NGEF: variants seen among roughly 807,000 people sequenced by gnomAD.
NGEF encodes ephexin-1.
NGEF carries 31 observed loss-of-function variants against 80.9 expected under a neutral mutation model. The ratio of observed to expected loss-of-function variants is 0.38; its 90% CI spans 0.29 to 0.52. The LOEUF is 0.52. Ranked by LOEUF, NGEF falls within the 20% of genes least tolerant of loss-of-function variation. The pLI, the probability that NGEF is intolerant of heterozygous loss-of-function variation, is 0.84. For missense variants in NGEF, 709 were observed against 926.2 expected (o/e 0.77, Z 3.04); for synonymous variants, 371 against 370.2 (o/e 1.00, Z -0.03).
chr2:232,893,734 C>T (rs1691964542), intron 6 of NGEF, among the ~76,000 whole-genome samples: 1 of 152,134 alleles, frequency 6.6e-6, no homozygotes, highest in African/African-American at 2.4e-5. Flanking sequence ...GAGATCGCAC[C>T]ATTGCACTAC....
chr2:232,928,186 G>T (rs1203411048), intron 3 of NGEF: 1 of 978,638 alleles, frequency 1.0e-6, no homozygotes, highest in Non-Finnish European at 1.2e-6. Flanking sequence ...AGGCTCCCGG[G>T]GTTGCCACGG....
intron 3 of NGEF, among the ~76,000 whole-genome samples, chr2:232,944,391 G>A (rs1693506585): frequency 6.6e-6 from 1 of 152,120 alleles, no homozygotes; most frequent in African/African-American, 2.4e-5. Context: ...ATTTTTGAAA[G>A]TAACATATTG....
chr2:232,884,259 G>C lies in NGEF; in HGVS notation c.1438-115C>G. The C allele has an allele frequency of 4.9e-6, 6 of 1,230,748 alleles. No individual in the cohort carries two copies. The South Asian group carries it at 6.5e-5, about 13-fold the overall frequency. The allele number at this position is 1,230,748 out of a possible 1,614,324, so 76.2% of individuals were successfully genotyped here. ...ACACCTGCCCAGGGCCCCGACACAT[G>C]AGGCACAAGTTGGGGGGAAAGGCCG... On this transcript the variant is annotated intron_variant, in intron 10 of 14. Coordinates refer to ENST00000264051, the MANE Select transcript of NGEF (RefSeq NM_019850.3).
chr2:232,965,102 CA>C (rs1309846053), intron 3 of NGEF, among the ~76,000 whole-genome samples: 1 of 152,200 alleles, frequency 6.6e-6, no homozygotes, highest in Non-Finnish European at 1.5e-5. Flanking sequence ...ATTCCAAAAA[CA>C]AACCAGGGAG....
chr2:232,883,826 G>C (rs1267870309), intron 11 of NGEF, among the ~76,000 whole-genome samples, 155 bp downstream of exon 11: 1 of 152,168 alleles, frequency 6.6e-6, no homozygotes, highest in Non-Finnish European at 1.5e-5. Context: ...TTGGCTAAAG[G>C]CCCAAAGCTG....
chr2:232,879,447 G>C lies in NGEF; in HGVS notation c.*42C>G, dbSNP rs774989406. 31 of 1,545,928 alleles carry C rather than the reference G, an allele frequency of 2.0e-5. No individual in the cohort carries two copies. The highest frequency in any genetic ancestry group is 2.6e-5 in the Non-Finnish European group (30 of 1,137,730). ...CCCCCCCCCCCCACCTTCTGTCGGG[G>C]TCTCATGCAGGCCCTGCTCCCGCTG... On this transcript the variant is annotated 3_prime_UTR_variant, in exon 15 of 15. Coordinates refer to ENST00000264051, the MANE Select transcript of NGEF (RefSeq NM_019850.3).
At chr2:232,893,531 T>G (rs1319565057) in intron 6 of NGEF, among the ~76,000 whole-genome samples, 1 of 152,138 alleles carries the variant, frequency 6.6e-6, no homozygotes, top group African/African-American at 2.4e-5. Context: ...CCCAGCACTT[T>G]GGGAGGCCGA....
chr2:232,944,622 C>A (rs1323883860), intron 3 of NGEF, among the ~76,000 whole-genome samples: 1 of 149,526 alleles, frequency 6.7e-6, no homozygotes, highest in Admixed American at 6.6e-5. Context: ...AACAATTATA[C>A]ACACACTTCT....
intron 10 of NGEF, 128 bp from the exon 11 acceptor site, chr2:232,884,272 G>A (rs1204108509): frequency 1.8e-6 from 2 of 1,107,158 alleles, no homozygotes; most frequent in Non-Finnish European, 2.5e-6. Flanking sequence ...GCACAAGTTG[G>A]GGGGAAAGGC....
Position 232,929,123 on chromosome 2 carries a change from G to C in NGEF, c.384-1937C>G, listed in dbSNP as rs147857928. On this transcript the variant is annotated intron_variant, in intron 3 of 14. Coordinates refer to ENST00000264051, the MANE Select transcript of NGEF (RefSeq NM_019850.3). The stretch of plus-strand genomic sequence containing the variant: ...TGGGTGACCGCGGCCTGCGCCTGCA[G>C]CCGGGCCTGTCCTTTTTACGGCCCT... Among the ~76,000 whole-genome samples the C allele has an allele frequency of 4.8e-3, 724 of 152,360 alleles. 7 individuals carry two copies. The highest frequency in any genetic ancestry group is 0.017 in the African/African-American group (699 of 41,584).
chr2:232,900,835 C>T (rs1398472510), intron 5 of NGEF, among the ~76,000 whole-genome samples: 1 of 152,258 alleles, frequency 6.6e-6, no homozygotes, highest in Non-Finnish European at 1.5e-5. Context: ...CACAGAGGCA[C>T]TGGGAGCCAC....
chr2:232,982,555 C>T (rs1169813472), intron 1 of NGEF, among the ~76,000 whole-genome samples: 1 of 152,072 alleles, frequency 6.6e-6, no homozygotes, highest in Non-Finnish European at 1.5e-5. Context: ...CTCTTGTCAC[C>T]CAAGCTGGAG....
At position 233,012,071 on chromosome 2, in the gene NGEF, G is replaced by T. The variant is rs559415912; in HGVS notation, c.-75+997C>A. On this transcript the variant is annotated intron_variant, in intron 1 of 14. Transcript: ENST00000264051. ...CATGGGCAAAGGGGAAGCCTAAATG[G>T]AAAAAGAGAGAGAGAGAGAGAGAAA... 2.5e-3 allele frequency among the ~76,000 whole-genome samples: 381 copies of T among 151,620 alleles called. 5 individuals carry two copies. Among genetic ancestry groups the T allele is most frequent in the African/African-American group, 8.6e-3 (354 of 41,090 alleles).
At chr2:232,884,291 G>T in intron 10 of NGEF, 147 bp from the exon 11 acceptor site, 1 of 871,940 alleles carries the variant, frequency 1.1e-6, no homozygotes, top group Middle Eastern at 3.6e-4. Flanking sequence ...GCCGAGTTCT[G>T]GACGGATGCA....
intron 5 of NGEF, among the ~76,000 whole-genome samples, chr2:232,907,005 CCACTCCCTA>C (rs763775032): frequency 1.3e-5 from 2 of 150,976 alleles, no homozygotes; most frequent in Non-Finnish European, 3.0e-5. Context: ...AGAGTCATCA[CCACTCCCTA>C]ATCTCAAGTA....
chr2:232,943,702 A>G (rs55905543), intron 3 of NGEF, among the ~76,000 whole-genome samples: 1 of 150,326 alleles, frequency 6.7e-6, no homozygotes, highest in Non-Finnish European at 1.5e-5. Flanking sequence ...TCACTGTGTT[A>G]GCCAGGTTGG....
rs188231171 is a variant in NGEF, at chr2:232,962,370, C to G, written c.383+7844G>C. On this transcript the variant is annotated intron_variant, in intron 3 of 14. Coordinates refer to ENST00000264051, the MANE Select transcript of NGEF (RefSeq NM_019850.3). Reference sequence around the variant, plus strand: ...TGGTCAACATGGTGAAACCCTGTCTCTACTAAAAATACAACAACAACAACA... The same window carrying G: ...TGGTCAACATGGTGAAACCCTGTCTGTACTAAAAATACAACAACAACAACA... Among the ~76,000 whole-genome samples the G allele has an allele frequency of 3.7e-3, 557 of 151,050 alleles. 12 individuals carry two copies. The highest frequency in any genetic ancestry group is 0.013 in the African/African-American group (543 of 40,408).
chr2:232,914,471 G>A (rs1391231923), intron 5 of NGEF, among the ~76,000 whole-genome samples: 5 of 152,194 alleles, frequency 3.3e-5, no homozygotes, highest in African/African-American at 4.8e-5. Flanking sequence ...GGGAGGCTGA[G>A]GCAGGGAGAT....
chr2:232,887,972 G>C (rs532156859), intron 9 of NGEF, 61 bp downstream of exon 9: 1 of 1,281,454 alleles, frequency 7.8e-7, no homozygotes, highest in African/African-American at 1.5e-5. Context: ...GGGCCGGAAA[G>C]GTGTGCCTGG....
Sources: allele counts gnomAD v4.1 joint callset (sites outside exome capture counted in the v4.1 genomes callset), GRCh38; gene constraint gnomAD v4.1.1; transcripts MANE v1.5; gene names NCBI Gene and HGNC (gene_info 2026-07-23, HGNC 2026-07-21).